STRBP: variants seen among roughly 807,000 people sequenced by gnomAD.
STRBP encodes spermatid perinuclear RNA binding protein.
STRBP carries 13 observed loss-of-function variants against 80.1 expected under a neutral mutation model. The ratio of observed to expected loss-of-function variants is 0.16; its 90% CI spans 0.11 to 0.26. The LOEUF is 0.26. Among genes scored for constraint, STRBP ranks in the 10% least tolerant of loss-of-function variants. The pLI, the probability that STRBP is intolerant of heterozygous loss-of-function variation, is 1.00. For synonymous variants in STRBP, 284 were observed against 291.2 expected, an observed-to-expected ratio of 0.98 and a Z score of 0.25; for missense variants, 485 against 815.2, an observed-to-expected ratio of 0.59 and a Z score of 4.93.
intron 2 of STRBP, among the ~76,000 whole-genome samples, chr9:123,206,553 C>A (rs938734038): frequency 6.6e-6 from 1 of 152,112 alleles, no homozygotes; most frequent in Non-Finnish European, 1.5e-5. Context: ...AAATGAATGA[C>A]AGGGGGTTCT....
At chr9:123,196,775 A>G (rs1425092285) in intron 2 of STRBP, among the ~76,000 whole-genome samples, 1 of 152,234 alleles carries the variant, frequency 6.6e-6, no homozygotes, top group Non-Finnish European at 1.5e-5. Context: ...AAACCCTTGT[A>G]TACTGTTGGT....
At chr9:123,116,370 A>G (rs1173821790) in intron 2 of STRBP, among the ~76,000 whole-genome samples, 1 of 152,230 alleles carries the variant, frequency 6.6e-6, no homozygotes, top group Admixed American at 6.5e-5. Context: ...AGTAGCAATT[A>G]CTGAATTTGC....
At chr9:123,121,594 G>C (rs1013482111), downstream of STRBP, 1 of 147,598 alleles carries the variant, frequency 6.8e-6, no homozygotes, top group South Asian at 2.2e-4. Flanking sequence ...CTTTTCCATA[G>C]TTACCATAAT....
intron 1 of STRBP, among the ~76,000 whole-genome samples, chr9:123,251,767 T>G (rs2040922586): frequency 6.6e-6 from 1 of 152,196 alleles, no homozygotes; most frequent in Admixed American, 6.5e-5. Flanking sequence ...TGAGTAAAAT[T>G]ATTAGGCTAA....
At chr9:123,255,388 A>T (rs1008461445) in intron 1 of STRBP, among the ~76,000 whole-genome samples, 33 of 152,226 alleles carry the variant, frequency 2.2e-4, no homozygotes, top group Admixed American at 7.2e-4. Context: ...CCTTCATCTC[A>T]AGGTGATCAA....
intron 6 of STRBP, among the ~76,000 whole-genome samples, chr9:123,161,770 C>T (rs541079263): frequency 5.3e-5 from 8 of 152,324 alleles, no homozygotes; most frequent in Admixed American, 1.3e-4. Flanking sequence ...TTAATTATGG[C>T]TATTCAGCTT....
Position 123,139,760 on chromosome 9 carries a change from A to G in STRBP, c.1339-73T>C. Reference sequence around the variant, plus strand: ...AGAGAATAGACAAAATATTGAGAACAAAAGTTTCAAATCCATAGTGTTTGA... The same window carrying G: ...AGAGAATAGACAAAATATTGAGAACGAAAGTTTCAAATCCATAGTGTTTGA... On this transcript the variant is annotated intron_variant, in intron 13 of 18. Coordinates refer to ENST00000348403, the MANE Select transcript of STRBP (RefSeq NM_018387.5). 2.0e-6 allele frequency: 3 copies of G among 1,483,866 alleles called. No individual in the cohort carries two copies. In the South Asian group the frequency reaches 3.6e-5, roughly 18 times the overall value. 91.9% of individuals were successfully genotyped at this position (1,483,866 alleles called of 1,614,324 possible).
At chr9:123,161,211 G>C (rs745934741) in intron 6 of STRBP, 143 bp from the exon 7 acceptor site, 2 of 619,402 alleles carry the variant, frequency 3.2e-6, no homozygotes, top group Non-Finnish European at 5.5e-6. Flanking sequence ...ATTTGGCTGT[G>C]TTGCTTTTTA....
At chr9:123,242,246 C>T (rs777901702) in intron 1 of STRBP, among the ~76,000 whole-genome samples, 2 of 152,332 alleles carry the variant, frequency 1.3e-5, no homozygotes, top group South Asian at 2.1e-4. Flanking sequence ...TATTCATATA[C>T]TATCTCTTCA....
chr9:123,172,317 G>A (rs1314278928), intron 5 of STRBP, among the ~76,000 whole-genome samples: 1 of 152,150 alleles, frequency 6.6e-6, no homozygotes, highest in East Asian at 1.9e-4. Context: ...CAGATTAAAT[G>A]CTAAAACAAA....
intron 17 of STRBP, among the ~76,000 whole-genome samples, chr9:123,129,762 C>T (rs936717059): frequency 1.3e-5 from 2 of 152,170 alleles, no homozygotes; most frequent in Non-Finnish European, 2.9e-5. Context: ...TTTGAGACAA[C>T]GCATTCAAAT....
chr9:123,203,367 A>G (rs1054880359), intron 2 of STRBP, among the ~76,000 whole-genome samples: 1 of 151,448 alleles, frequency 6.6e-6, no homozygotes, highest in Non-Finnish European at 1.5e-5. Flanking sequence ...AAAAAAAAAG[A>G]ATCTAAATTA....
At chr9:123,214,261 C>T (rs1453715471) in intron 2 of STRBP, among the ~76,000 whole-genome samples, 1 of 151,844 alleles carries the variant, frequency 6.6e-6, no homozygotes. Context: ...GACCATTATT[C>T]TAAGTGAAGT....
At chr9:123,241,116 T>C (rs1474038892) in intron 1 of STRBP, among the ~76,000 whole-genome samples, 2 of 149,820 alleles carry the variant, frequency 1.3e-5, no homozygotes, top group Non-Finnish European at 1.5e-5. Context: ...GTGGCGGAGG[T>C]TGCGGTGAGC....
At chr9:123,130,947 G>T (rs72753290) in intron 17 of STRBP, among the ~76,000 whole-genome samples, 20 of 151,776 alleles carry the variant, frequency 1.3e-4, no homozygotes, top group Admixed American at 3.9e-4. Context: ...TCTTGCCTGG[G>T]TTAGTAGTCT....
At chr9:123,141,352 C>T (rs568980240) in intron 13 of STRBP, among the ~76,000 whole-genome samples, 4 of 152,256 alleles carry the variant, frequency 2.6e-5, no homozygotes, top group African/African-American at 4.8e-5. Flanking sequence ...AAGCCAAGAA[C>T]GCTTTTTTAA....
chr9:123,178,978 C>A, intron 4 of STRBP, 29 bp downstream of exon 4: 1 of 1,607,286 alleles, frequency 6.2e-7, no homozygotes, highest in South Asian at 1.1e-5. Flanking sequence ...CACTCTAGCA[C>A]AGCGTCCCAG....
At chr9:123,173,871 T>G (rs774544928) in intron 4 of STRBP, 29 bp from the exon 5 acceptor site, 1 of 1,571,916 alleles carries the variant, frequency 6.4e-7, no homozygotes, top group Non-Finnish European at 8.6e-7. Context: ...ATGATTACTT[T>G]CACAACCTAT....
chr9:123,169,873 C>T (rs12378945), intron 6 of STRBP, 29 bp downstream of exon 6: 45 of 992,276 alleles, frequency 4.5e-5, no homozygotes, highest in South Asian at 7.2e-5. Flanking sequence ...CAAATATATA[C>T]ATATATATAT....
Sources: gnomAD v4.1 joint callset for allele counts (sites outside exome capture counted in the v4.1 genomes callset) on GRCh38, gnomAD v4.1.1 for gene constraint, MANE v1.5 for transcripts, NCBI Gene and HGNC (gene_info 2026-07-23, HGNC 2026-07-21) for gene names.